The following CACNA1B variants were observed in gnomAD, a reference collection of about 807,000 sequenced individuals.
The protein encoded by CACNA1B is calcium voltage-gated channel subunit alpha1 B.
In CACNA1B, 70 loss-of-function variants were observed where a neutral mutation model predicts 247.2. The observed-to-expected ratio is 0.28, with a 90% CI of 0.23 to 0.35. The LOEUF is 0.35. Ranked by LOEUF, CACNA1B falls within the 10% of genes least tolerant of loss-of-function variation. The pLI is 1.00. For missense variants in CACNA1B, 2,367 were observed against 3,197.4 expected (o/e 0.74, Z 6.26); for synonymous variants, 1,231 against 1,294.4 (o/e 0.95, Z 1.05).
intron 37 of CACNA1B, among the ~76,000 whole-genome samples, chr9:138,099,490 TGTGCCTGTGGTGTGCAC>T (rs1961176744): frequency 6.6e-6 from 1 of 151,190 alleles, no homozygotes; most frequent in Non-Finnish European, 1.5e-5. Context: ...CATGCCCGTG[TGTGCCTGTGGTGTGCAC>T]GTGTCTGTGG....
chr9:137,957,197 A>G lies in CACNA1B; in HGVS notation c.1243+370A>G, dbSNP rs1170473030. ...GGAAGGCTGCCCTCTCTGCACACCCACCGCTCAGGTCAGGGCCAGACAGCA... is the reference window on the plus strand; with the variant it reads ...GGAAGGCTGCCCTCTCTGCACACCCGCCGCTCAGGTCAGGGCCAGACAGCA... On this transcript the variant is annotated intron_variant, in intron 9 of 46. Transcript: ENST00000371372. The surrounding 1 kb of genome is among the most constrained non-coding windows in gnomAD (Gnocchi z 4.7). Among the ~76,000 whole-genome samples the G allele has an allele frequency of 1.3e-5, 2 of 152,174 alleles. No individual in the cohort carries two copies. The highest frequency in any genetic ancestry group is 4.8e-5 in the African/African-American group (2 of 41,452).
At chr9:138,000,505 A>G (rs1324949616) in intron 15 of CACNA1B, among the ~76,000 whole-genome samples, 1 of 152,244 alleles carries the variant, frequency 6.6e-6, no homozygotes, top group African/African-American at 2.4e-5. Flanking sequence ...ACAGACAGTC[A>G]AAGTTCTCTT....
chr9:138,029,633 C>G (rs541874347), intron 20 of CACNA1B, among the ~76,000 whole-genome samples: 1 of 130,172 alleles, frequency 7.7e-6, no homozygotes, highest in South Asian at 2.5e-4. Context: ...TTTTTCCAGA[C>G]AGGGTCTCGC....
chr9:138,010,489 G>A lies in CACNA1B; in HGVS notation c.2160+412G>A, dbSNP rs1037333691. 7.9e-5 allele frequency among the ~76,000 whole-genome samples: 12 copies of A among 152,290 alleles called. No homozygotes were observed. The highest frequency in any genetic ancestry group is 2.1e-4 in the South Asian group (1 of 4,828). On this transcript the variant is annotated intron_variant, in intron 17 of 46. Coordinates refer to ENST00000371372, the MANE Select transcript of CACNA1B (RefSeq NM_000718.4). The surrounding 1 kb of genome is among the most constrained non-coding windows in gnomAD (Gnocchi z 5.3). ...CCTGAGCCTGGTGGGGGATGCAATT[G>A]TACATGTCTCCCTCTGTGATATCCC...
chr9:138,031,777 T>G (rs1441472858), intron 20 of CACNA1B, among the ~76,000 whole-genome samples: 1 of 152,204 alleles, frequency 6.6e-6, no homozygotes, highest in East Asian at 1.9e-4. Context: ...CTGGTAATCT[T>G]CTTTGCTCTG....
At chr9:137,895,117 T>C (rs1218708130) in intron 3 of CACNA1B, among the ~76,000 whole-genome samples, 3 of 152,214 alleles carry the variant, frequency 2.0e-5, no homozygotes, top group African/African-American at 4.8e-5. Flanking sequence ...ATTTCTTCCA[T>C]TGAATTGCTT....
In CACNA1B at chr9:138,057,353, C is replaced by T. The variant is rs929621973; in HGVS notation, c.3969-379C>T. On this transcript the variant is annotated intron_variant, in intron 26 of 46. Coordinates refer to ENST00000371372, the MANE Select transcript of CACNA1B (RefSeq NM_000718.4). This position sits in a 1 kb window ranked among gnomAD's most constrained non-coding sequence, Gnocchi z 4.0. ...TGGATTTGTCTCTTTACGTTCTCGG[C>T]GTCCTCTGAGCACAGAAGTGTCCGA... Among the ~76,000 whole-genome samples, 3 of 152,148 alleles carry T rather than the reference C, an allele frequency of 2.0e-5. No homozygotes were observed. Among genetic ancestry groups the T allele is most frequent in the South Asian group, 2.1e-4 (1 of 4,824 alleles).
intron 36 of CACNA1B, among the ~76,000 whole-genome samples, chr9:138,081,400 G>T (rs1473108621): frequency 6.6e-6 from 1 of 152,178 alleles, no homozygotes; most frequent in Non-Finnish European, 1.5e-5. Flanking sequence ...AATCCTTCTG[G>T]CACTTCCCTC....
chr9:137,884,969 T>G (rs28671160), intron 3 of CACNA1B, among the ~76,000 whole-genome samples: 4 of 30,316 alleles, frequency 1.3e-4, no homozygotes, highest in South Asian at 2.9e-3. Flanking sequence ...CCCCCCCCCC[T>G]CCTCCCACTT....
At chr9:138,078,378 A>G (rs1960400711) in intron 36 of CACNA1B, 120 bp downstream of exon 36, 12 of 973,612 alleles carry the variant, frequency 1.2e-5, no homozygotes, top group South Asian at 1.2e-4. Flanking sequence ...AGCTGAGTCC[A>G]TGCTGATGGC....
In CACNA1B at chr9:138,102,671, C is replaced by A; in HGVS notation, c.5223-40C>A. The stretch of plus-strand genomic sequence containing the variant: ...TCCTGCTGCCGCTCCTCCTGTGGAC[C>A]ACCCCACTGTGCCCTGGCCTCGCTG... On this transcript the variant is annotated intron_variant, in intron 37 of 46. Coordinates refer to ENST00000371372, the MANE Select transcript of CACNA1B (RefSeq NM_000718.4). The surrounding 1 kb of genome is among the most constrained non-coding windows in gnomAD (Gnocchi z 5.4). 1 of 1,293,024 alleles carries A rather than the reference C, an allele frequency of 7.7e-7. No homozygotes were observed. Among genetic ancestry groups the A allele is most frequent in the Non-Finnish European group, 1.1e-6 (1 of 900,802 alleles). 80.1% of individuals were successfully genotyped at this position (1,293,024 alleles called of 1,614,324 possible).
chr9:137,900,871 T>C (rs13300135), intron 3 of CACNA1B, among the ~76,000 whole-genome samples: 60,820 of 146,946 alleles, frequency 0.41, 15,565 homozygotes, highest in African/African-American at 0.73. Context: ...CTGTGTGTCC[T>C]TGTGTCCGTG....
rs1235417205 is a variant in CACNA1B, at chr9:137,955,948, GA to G, written c.1186+137del. 17 of 681,890 alleles carry G rather than the reference GA, an allele frequency of 2.5e-5. No homozygotes were observed. Among genetic ancestry groups the G allele is most frequent in the Non-Finnish European group, 4.2e-5 (16 of 383,750 alleles). 42.2% of individuals were successfully genotyped at this position (681,890 alleles called of 1,614,324 possible). ...AGGGATTTTGTAGTGAGCAGAGTGA[GA>G]AGGGATTTCTCTCTAGCTCACCCAG... is the stretch of plus-strand genomic sequence containing the variant. On this transcript the variant is annotated intron_variant, in intron 8 of 46. Coordinates refer to ENST00000371372, the MANE Select transcript of CACNA1B (RefSeq NM_000718.4). This position sits in a 1 kb window ranked among gnomAD's most constrained non-coding sequence, Gnocchi z 6.9.
chr9:137,907,993 C>T (rs951700914), intron 3 of CACNA1B, among the ~76,000 whole-genome samples: 2 of 152,236 alleles, frequency 1.3e-5, no homozygotes, highest in Admixed American at 1.3e-4. Context: ...CGGTTTCATA[C>T]GTCAGGCCTG....
At chr9:137,988,137 AG>A (rs1160241291) in intron 15 of CACNA1B, among the ~76,000 whole-genome samples, 3 of 152,338 alleles carry the variant, frequency 2.0e-5, no homozygotes, top group African/African-American at 7.2e-5. Context: ...AGTGGGTGAC[AG>A]GACCTATGTC....
At chr9:138,064,220 C>G (rs760739883) in intron 31 of CACNA1B, among the ~76,000 whole-genome samples, 2 of 152,200 alleles carry the variant, frequency 1.3e-5, no homozygotes, top group African/African-American at 2.4e-5. Flanking sequence ...GTAAACGAAC[C>G]AGATCTCCTT....
intron 37 of CACNA1B, among the ~76,000 whole-genome samples, chr9:138,101,570 G>A (rs889779867): frequency 6.6e-6 from 1 of 152,258 alleles, no homozygotes; most frequent in East Asian, 1.9e-4. Context: ...AAGGGAGCAC[G>A]GGCACAGGCC....
Position 138,054,059 on chromosome 9 carries a change from C to G in CACNA1B, c.3968+53C>G. 6.5e-7 allele frequency: 1 copy of G among 1,540,980 alleles called. No individual in the cohort carries two copies. Among genetic ancestry groups the G allele is most frequent in the Non-Finnish European group, 9.0e-7 (1 of 1,115,340 alleles). On this transcript the variant is annotated intron_variant, in intron 26 of 46. Transcript: ENST00000371372. The surrounding 1 kb of genome is among the most constrained non-coding windows in gnomAD (Gnocchi z 4.6). ...ACACACAGCCCCATGATGCAGACAA[C>G]ACTGGGAGTTCCCTTGGGACCAGGT...
intron 15 of CACNA1B, among the ~76,000 whole-genome samples, chr9:138,000,305 A>G (rs1028478336): frequency 4.1e-4 from 63 of 151,920 alleles, no homozygotes; most frequent in Non-Finnish European, 5.0e-4. Context: ...TCACCGTGTT[A>G]GCCAGGATGG....
Sources: allele counts gnomAD v4.1 joint callset (sites outside exome capture counted in the v4.1 genomes callset), GRCh38; gene constraint gnomAD v4.1.1; non-coding constraint Gnocchi (gnomAD v3.1); transcripts MANE v1.5; gene names NCBI Gene and HGNC (gene_info 2026-07-23, HGNC 2026-07-21).